The following CXADR variants were observed in gnomAD, a reference collection of about 807,000 sequenced individuals.
CXADR encodes the protein CXADR cell adhesion molecule.
CXADR carries 20 observed loss-of-function variants against 40.3 expected under a neutral mutation model. The observed-to-expected ratio is 0.50, with a 90% CI of 0.35 to 0.72. The LOEUF is 0.72. Among genes scored for constraint, CXADR ranks in the 30% least tolerant of loss-of-function variants. CXADR has a pLI of 0.01. For synonymous variants in CXADR, 150 were observed against 161.3 expected, an observed-to-expected ratio of 0.93 and a Z score of 0.53; for missense variants, 332 against 449.1, an observed-to-expected ratio of 0.74 and a Z score of 2.36.
chr21:17,569,622 A>G lies in CXADR; in HGVS notation c.*3930A>G. ...TTGTGAATTGTGGTTCAGTTTATTTATCTTTAGGGAAGGCTGATCATTTAT... is the reference window on the plus strand; with the variant it reads ...TTGTGAATTGTGGTTCAGTTTATTTGTCTTTAGGGAAGGCTGATCATTTAT... On this transcript the variant is annotated 3_prime_UTR_variant, in exon 7 of 7. Transcript: ENST00000284878. 1.0e-6 allele frequency: 1 copy of G among 984,086 alleles called. No homozygotes were observed. Among genetic ancestry groups the G allele is most frequent in the Non-Finnish European group, 1.2e-6 (1 of 828,746 alleles). The allele number at this position is 984,086 out of a possible 1,614,324, so 61.0% of individuals were successfully genotyped here. A position where few individuals can be genotyped will look rare whatever the true frequency, so the allele number is the denominator to read the frequency against.
At chr21:17,600,071 C>T in the CXADR span, among the ~76,000 whole-genome samples, 1 of 150,936 alleles carries the variant, frequency 6.6e-6, no homozygotes, top group African/African-American at 2.5e-5. Context: ...TGTTATTCTT[C>T]CAAAACATTT....
intron 5 of CXADR, 137 bp from the exon 6 acceptor site, chr21:17,561,201 C>A: frequency 5.3e-6 from 3 of 567,054 alleles, no homozygotes; most frequent in Non-Finnish European, 8.7e-6. Context: ...TGAATTTTTC[C>A]CCCGGATCAA....
At chr21:17,634,584 G>C in the CXADR span, among the ~76,000 whole-genome samples, 1 of 152,278 alleles carries the variant, frequency 6.6e-6, no homozygotes, top group South Asian at 2.1e-4. Flanking sequence ...CAATACTCTA[G>C]ACTGTTCTAG....
At chr21:17,593,018 A>G in intron 7 of CXADR, 1 of 706,396 alleles carries the variant, frequency 1.4e-6, no homozygotes, top group Middle Eastern at 4.9e-4. Flanking sequence ...TTTTCTGGTA[A>G]GTCAAATAAT....
chr21:17,597,739 GA>G (rs34667419), downstream of CXADR, among the ~76,000 whole-genome samples: 152,127 of 152,128 alleles, frequency 1, 76,063 homozygotes, highest in Non-Finnish European at 1. Flanking sequence ...AAAAAAATGA[GA>G]AAACCAAAAA....
chr21:17,536,252 A>G (rs187929964), intron 1 of CXADR, among the ~76,000 whole-genome samples: 33 of 152,328 alleles, frequency 2.2e-4, no homozygotes, highest in Admixed American at 5.2e-4. Flanking sequence ...TATGTCAACA[A>G]CTATACATAA....
the CXADR span, chr21:17,604,203 G>A: frequency 5.6e-6 from 6 of 1,066,276 alleles, no homozygotes; most frequent in Non-Finnish European, 7.4e-6. Context: ...AGCGCTTTGG[G>A]AGGCCAAGGC....
chr21:17,559,835 CA>C (rs1022040734), intron 4 of CXADR, among the ~76,000 whole-genome samples: 3 of 151,506 alleles, frequency 2.0e-5, no homozygotes, highest in Non-Finnish European at 4.4e-5. Context: ...TGTGTCACCA[CA>C]CCCTGCTAAT....
the CXADR span, among the ~76,000 whole-genome samples, chr21:17,614,784 A>T: frequency 6.6e-6 from 1 of 152,240 alleles, no homozygotes; most frequent in Non-Finnish European, 1.5e-5. Context: ...ACTGTGAAAT[A>T]GACACATAGC....
At chr21:17,537,930 T>A (rs935336651) in intron 1 of CXADR, among the ~76,000 whole-genome samples, 2 of 152,100 alleles carry the variant, frequency 1.3e-5, no homozygotes, top group Non-Finnish European at 2.9e-5. Context: ...AGAGGACATA[T>A]GTTCTGGAGG....
At position 17,549,763 on chromosome 21, in the gene CXADR, G is replaced by C. The variant is rs529274413; in HGVS notation, c.211-1986G>C. On this transcript the variant is annotated intron_variant, in intron 2 of 6. Coordinates refer to ENST00000284878, the MANE Select transcript of CXADR (RefSeq NM_001338.5). ...TTAAAGGACTACTAAGGTGTGTGTGGAGCATAATGAGCTATTGGAAGTATA... is the reference window on the plus strand; with the variant it reads ...TTAAAGGACTACTAAGGTGTGTGTGCAGCATAATGAGCTATTGGAAGTATA... Among the ~76,000 whole-genome samples the C allele has an allele frequency of 2.6e-5, 4 of 152,284 alleles. No homozygotes were observed. The South Asian group carries it at 8.3e-4, about 32-fold the overall frequency.
intron 1 of CXADR, among the ~76,000 whole-genome samples, chr21:17,519,606 C>T (rs750839957): frequency 4.6e-5 from 7 of 152,292 alleles, no homozygotes; most frequent in Non-Finnish European, 8.8e-5. Flanking sequence ...CCCTGTTGAC[C>T]TGCGCTTTAC....
rs543417826 is a variant in CXADR, at chr21:17,518,908, T to C, written c.43+5736T>C. On this transcript the variant is annotated intron_variant, in intron 1 of 6. Coordinates refer to ENST00000284878, the MANE Select transcript of CXADR (RefSeq NM_001338.5). ...CTTTTTGTCATCAGCCATGGCTGTT[T>C]TATGTACCACCTTCTTTCTGCGAGC... 4.2e-5 allele frequency: 67 copies of C among 1,586,068 alleles called. No homozygotes were observed. In the African/African-American group the frequency reaches 5.9e-4, roughly 14 times the overall value.
chr21:17,616,579 C>T, the CXADR span, among the ~76,000 whole-genome samples: 15 of 151,866 alleles, frequency 9.9e-5, no homozygotes, highest in African/African-American at 3.4e-4. Context: ...TCATGATCTG[C>T]CAAAACAGTC....
the CXADR span, chr21:17,598,719 G>C: frequency 6.2e-7 from 1 of 1,614,010 alleles, no homozygotes; most frequent in Admixed American, 1.7e-5. Flanking sequence ...GATAATCAGA[G>C]GTAACCTTAT....
chr21:17,566,582 T>A lies in CXADR; in HGVS notation c.*890T>A. Reference sequence around the variant, plus strand: ...TTTCTTATTAGAAAAATATTATAACTCATTTGTTGTTTGACACTTATAGAT... The same window carrying A: ...TTTCTTATTAGAAAAATATTATAACACATTTGTTGTTTGACACTTATAGAT... On this transcript the variant is annotated 3_prime_UTR_variant, in exon 7 of 7. Transcript: ENST00000284878. The A allele has an allele frequency of 2.0e-6, 2 of 981,462 alleles. No individual in the cohort carries two copies. The highest frequency in any genetic ancestry group is 2.4e-6 in the Non-Finnish European group (2 of 826,288). The allele number at this position is 981,462 out of a possible 1,614,324, so 60.8% of individuals were successfully genotyped here.
chr21:17,587,520 T>C (rs1254320757), intron 7 of CXADR, among the ~76,000 whole-genome samples: 1 of 152,252 alleles, frequency 6.6e-6, no homozygotes, highest in Non-Finnish European at 1.5e-5. Flanking sequence ...ATGTGTCTTT[T>C]GGCTGCATAA....
chr21:17,634,036 C>G, the CXADR span, among the ~76,000 whole-genome samples: 105 of 152,328 alleles, frequency 6.9e-4, no homozygotes, highest in African/African-American at 2.4e-3. Context: ...CAACGTGAGA[C>G]TAGCTCTGAA....
chr21:17,536,685 G>T (rs1400762243), intron 1 of CXADR, among the ~76,000 whole-genome samples: 2 of 152,212 alleles, frequency 1.3e-5, no homozygotes. Context: ...ATAAAACAGA[G>T]GAGGAAGCAA....
Sources: allele counts gnomAD v4.1 joint callset (sites outside exome capture counted in the v4.1 genomes callset), GRCh38; gene constraint gnomAD v4.1.1; transcripts MANE v1.5; gene names NCBI Gene and HGNC (gene_info 2026-07-23, HGNC 2026-07-21).